MTR: variants seen among roughly 807,000 people sequenced by gnomAD.
MTR encodes the protein 5-methyltetrahydrofolate-homocysteine methyltransferase, also known as methionine synthase.
MTR carries 84 observed loss-of-function variants against 154.8 expected under a neutral mutation model. The ratio of observed to expected loss-of-function variants is 0.54; its 90% CI spans 0.45 to 0.65. The LOEUF (loss-of-function observed/expected upper bound fraction) is 0.65. Ranked by LOEUF, MTR falls within the 30% of genes least tolerant of loss-of-function variation. The pLI is 0.00. For synonymous variants in MTR, 554 were observed against 553.9 expected (o/e 1.00, Z 0.00); for missense variants, 1,275 against 1,570.2 (o/e 0.81, Z 3.18).
chr1:236,840,596 A>C (rs1475491084), intron 15 of MTR, among the ~76,000 whole-genome samples: 3 of 152,038 alleles, frequency 2.0e-5, no homozygotes, highest in African/African-American at 7.2e-5. Context: ...GAGAAAGAGC[A>C]AACGAGGTTT....
At chr1:236,813,716 G>A (rs1661436892) in intron 6 of MTR, among the ~76,000 whole-genome samples, 1 of 151,822 alleles carries the variant, frequency 6.6e-6, no homozygotes, top group African/African-American at 2.4e-5. Context: ...TTGGACTTTG[G>A]CTTTTTAAAA....
At chr1:236,876,307 C>T (rs551387131) in intron 24 of MTR, among the ~76,000 whole-genome samples, 57 of 152,270 alleles carry the variant, frequency 3.7e-4, no homozygotes, top group Non-Finnish European at 6.3e-4. Context: ...GTTTGACTAT[C>T]GTTGCTTAAC....
chr1:236,803,771 A>G, intron 2 of MTR, 129 bp downstream of exon 2: 1 of 947,628 alleles, frequency 1.1e-6, no homozygotes, highest in South Asian at 1.4e-5. Context: ...TTCAGAAAGC[A>G]GGTTTTGGAC....
chr1:236,825,549 G>A (rs189852380), intron 10 of MTR, 150 bp downstream of exon 10: 71 of 813,910 alleles, frequency 8.7e-5, no homozygotes, highest in Non-Finnish European at 1.5e-4. Flanking sequence ...AGGTACTAGA[G>A]GCACAGGGGA....
chr1:236,836,884 C>T (rs1331374475), intron 14 of MTR, among the ~76,000 whole-genome samples: 1 of 152,126 alleles, frequency 6.6e-6, no homozygotes, highest in East Asian at 1.9e-4. Context: ...CCAATCAAGT[C>T]AATGGACTAT....
In MTR at chr1:236,795,435, A is replaced by G. The variant is rs978867529; in HGVS notation, c.-269A>G. The G allele has an allele frequency of 8.5e-5, 125 of 1,478,616 alleles. No individual in the cohort carries two copies. The highest frequency in any genetic ancestry group is 6.4e-4 in the East Asian group (23 of 36,194). The allele number at this position is 1,478,616 out of a possible 1,614,324, so 91.6% of individuals were successfully genotyped here. ...CTCTGGCCGCGCGTGTCTGGCTGCT[A>G]GGCCGACACCAAGGACTGGCCGGGT... On this transcript the variant is annotated 5_prime_UTR_variant, in exon 1 of 33. An upstream open reading frame in the 5' UTR loses its in-frame stop. Coordinates refer to ENST00000366577, the MANE Select transcript of MTR (RefSeq NM_000254.3).
chr1:236,871,119 C>CA (rs1293913264), intron 22 of MTR, among the ~76,000 whole-genome samples: 6 of 152,206 alleles, frequency 3.9e-5, no homozygotes, highest in Admixed American at 2.6e-4. Flanking sequence ...CAGTAAAACT[C>CA]AGAGCCCTTG....
At chr1:236,855,360 C>T (rs551742054) in intron 18 of MTR, among the ~76,000 whole-genome samples, 31 of 152,122 alleles carry the variant, frequency 2.0e-4, no homozygotes, top group Non-Finnish European at 4.0e-4. Context: ...TTAGTTCAGA[C>T]TGACCTGTGG....
intron 15 of MTR, among the ~76,000 whole-genome samples, chr1:236,839,659 C>T (rs1466429121): frequency 1.3e-5 from 2 of 152,004 alleles, no homozygotes; most frequent in Admixed American, 6.6e-5. Flanking sequence ...TATTTTGGTA[C>T]CTATTTAAAA....
At chr1:236,818,659 C>A (rs1378596882) in intron 8 of MTR, among the ~76,000 whole-genome samples, 1 of 152,166 alleles carries the variant, frequency 6.6e-6, no homozygotes, top group Non-Finnish European at 1.5e-5. Context: ...TAGAAGGCAG[C>A]AAATAATATG....
rs16834539 is a variant in MTR, at chr1:236,902,938, G to C, written c.*5294G>C. Reference sequence around the variant, plus strand: ...AACTGAAAGTATATTCTGATTCGGTGTGTGTATAAGGAAATATACACCAGT... The same window carrying C: ...AACTGAAAGTATATTCTGATTCGGTCTGTGTATAAGGAAATATACACCAGT... On this transcript the variant is annotated 3_prime_UTR_variant, in exon 33 of 33. Transcript: ENST00000366577. 621 of 152,288 alleles carry C rather than the reference G, an allele frequency of 4.1e-3. 4 individuals are homozygous for C. Among genetic ancestry groups the C allele is most frequent in the African/African-American group, 0.014 (602 of 41,552 alleles). 9.4% of individuals were successfully genotyped at this position (152,288 alleles called of 1,614,324 possible).
At chr1:236,847,785 C>G (rs1441530054) in intron 15 of MTR, among the ~76,000 whole-genome samples, 1 of 152,172 alleles carries the variant, frequency 6.6e-6, no homozygotes, top group Non-Finnish European at 1.5e-5. Context: ...GAAATCCCTC[C>G]AGGGTATTGT....
At chr1:236,845,939 A>G (rs1398415672) in intron 15 of MTR, among the ~76,000 whole-genome samples, 1 of 152,144 alleles carries the variant, frequency 6.6e-6, no homozygotes, top group Non-Finnish European at 1.5e-5. Flanking sequence ...ATTATAGGGG[A>G]AAAAAACAAC....
At chr1:236,894,826 C>CTGT (rs1666533048) in intron 30 of MTR, 2 of 503,670 alleles carry the variant, frequency 4.0e-6, no homozygotes, top group Non-Finnish European at 7.1e-6. Flanking sequence ...TACCTTATCT[C>CTGT]TGTTGTCTCT....
Position 236,824,201 on chromosome 1 carries a change from C to T in MTR, c.847C>T (p.Leu283Phe), listed in dbSNP as rs774793877. Residue 283 changes from leucine (L) to phenylalanine (F), a missense_variant, in exon 9 of 33, where the codon CTC becomes TTC. Leu to Phe is a conservative substitution (Grantham distance 22). Transcript: ENST00000366577. ...TGGAAAATGTACAACAGCCTATGTC[C>T]TCTGTTATCCCAATGCAGGTGTGTG... is the stretch of plus-strand genomic sequence containing the variant. Reference protein sequence around the residue: ...IIGKCTTAYVLCYPNAGLPNT... With the variant: ...IIGKCTTAYVFCYPNAGLPNT... 1.2e-6 allele frequency: 2 copies of T among 1,613,590 alleles called. No individual in the cohort carries two copies. Among genetic ancestry groups the T allele is most frequent in the Non-Finnish European group, 1.7e-6 (2 of 1,179,574 alleles).
At chr1:236,860,727 T>G (rs1403942419) in intron 19 of MTR, among the ~76,000 whole-genome samples, 1 of 152,212 alleles carries the variant, frequency 6.6e-6, no homozygotes, top group East Asian at 1.9e-4. Flanking sequence ...GCATTTGAAC[T>G]TATTAGTCCT....
In MTR at chr1:236,811,578, A is replaced by G. The variant is rs1411976269; in HGVS notation, c.502+983A>G. On this transcript the variant is annotated intron_variant, in intron 5 of 32. Coordinates refer to ENST00000366577, the MANE Select transcript of MTR (RefSeq NM_000254.3). ...TTTATGGAACTTTGTGTGCTGTGAT[A>G]CCACACTTTTTCACTAGGAGTTGTT... 6 of 455,932 alleles carry G rather than the reference A, an allele frequency of 1.3e-5. No homozygotes were observed. In the East Asian group the frequency reaches 3.5e-4, roughly 26 times the overall value. The allele number at this position is 455,932 out of a possible 1,614,324, so 28.2% of individuals were successfully genotyped here.
rs199698157 is a variant in MTR, at chr1:236,856,502, GTTC to G, written c.1954-3322_1954-3320del. Among the ~76,000 whole-genome samples the G allele has an allele frequency of 4.6e-3, 669 of 145,914 alleles. 4 individuals carry two copies. The highest frequency in any genetic ancestry group is 0.016 in the African/African-American group (636 of 39,496). Reference sequence around the variant, plus strand: ...CTTTTTTTCTTTCTTCTTTCTTCTTGTTCTTCTTCTTTCTTTTTTTTTCTTCTT... The same window carrying G: ...CTTTTTTTCTTTCTTCTTTCTTCTTGTTCTTCTTTCTTTTTTTTTCTTCTT... On this transcript the variant is annotated intron_variant, in intron 18 of 32. Transcript: ENST00000366577.
At position 236,833,101 on chromosome 1, in the gene MTR, C is replaced by T. The variant is rs187166804; in HGVS notation, c.1188+1023C>T. Among the ~76,000 whole-genome samples the T allele has an allele frequency of 7.8e-4, 119 of 152,276 alleles. 3 individuals carry two copies. Among genetic ancestry groups the T allele is most frequent in the African/African-American group, 2.8e-3 (117 of 41,548 alleles). ...TCCTCTTCACTTAGGTATTAAACTG[C>T]CCTCCCATCCTGATCTGTCATCTGA... On this transcript the variant is annotated intron_variant, in intron 13 of 32. Coordinates refer to ENST00000366577, the MANE Select transcript of MTR (RefSeq NM_000254.3).
Sources: allele counts gnomAD v4.1 joint callset (sites outside exome capture counted in the v4.1 genomes callset), GRCh38; gene constraint gnomAD v4.1.1; transcripts MANE v1.5; gene names NCBI Gene and HGNC (gene_info 2026-07-23, HGNC 2026-07-21).